RSRC1: variants seen among roughly 807,000 people sequenced by gnomAD.
The protein encoded by RSRC1 is serine/Arginine-related protein 53.
A neutral mutation model predicts 49.1 loss-of-function variants in RSRC1; 39 were observed. That is an observed-to-expected ratio of 0.79 (90% CI 0.61 to 1.04). RSRC1 has a LOEUF of 1.04. RSRC1 is among the 50% of genes least tolerant of loss of function. The pLI is 0.00. For missense variants in RSRC1, 388 were observed against 402.4 expected (o/e 0.96, Z 0.31); for synonymous variants, 143 against 130.8 (o/e 1.09, Z -0.63).
At chr3:158,312,637 T>A (rs971035307) in intron 5 of RSRC1, among the ~76,000 whole-genome samples, 2 of 152,182 alleles carry the variant, frequency 1.3e-5, no homozygotes, top group Non-Finnish European at 2.9e-5. Flanking sequence ...ATTAAAAGAA[T>A]AATCAGTAAG....
At chr3:158,300,214 C>T (rs1470115385) in intron 5 of RSRC1, among the ~76,000 whole-genome samples, 3 of 152,100 alleles carry the variant, frequency 2.0e-5, no homozygotes, top group African/African-American at 7.2e-5. Flanking sequence ...AGAGCCAGGA[C>T]TAGCATACAG....
chr3:158,285,579 T>G (rs9820370), intron 4 of RSRC1, among the ~76,000 whole-genome samples: 58,998 of 151,906 alleles, frequency 0.39, 12,314 homozygotes, highest in East Asian at 0.64. Context: ...GAGCAGTGGT[T>G]TGTAGTTCTC....
intron 6 of RSRC1, among the ~76,000 whole-genome samples, chr3:158,423,577 A>T (rs1223086588): frequency 3.3e-5 from 5 of 151,936 alleles, no homozygotes; most frequent in East Asian, 1.9e-4. Flanking sequence ...TTTGGTTCCA[A>T]ATGAACTTTA....
rs1016883824 is a variant in RSRC1, at chr3:158,283,673, G to C, written c.495-14366G>C. On this transcript the variant is annotated intron_variant, in intron 4 of 9. Transcript: ENST00000611884. ...AGTTTTTTGTATTAAATACAATGGA[G>C]TGATTAATATTTTGTGAATGTGTCA... 1.1e-4 allele frequency among the ~76,000 whole-genome samples: 17 copies of C among 152,208 alleles called. No homozygotes were observed. In the East Asian group the frequency reaches 3.1e-3, roughly 28 times the overall value.
chr3:158,238,974 A>C (rs1014508343), intron 4 of RSRC1, among the ~76,000 whole-genome samples: 1 of 152,230 alleles, frequency 6.6e-6, no homozygotes. Flanking sequence ...CTCGTCTGAC[A>C]AAAGGCTAAT....
At chr3:158,135,261 AT>A (rs1168033476) in intron 3 of RSRC1, among the ~76,000 whole-genome samples, 3 of 139,746 alleles carry the variant, frequency 2.1e-5, no homozygotes, top group Non-Finnish European at 3.0e-5. Flanking sequence ...TCATTTCCAA[AT>A]TATAGTGTAA....
intron 4 of RSRC1, among the ~76,000 whole-genome samples, chr3:158,280,728 C>T (rs998693195): frequency 2.7e-5 from 4 of 146,072 alleles, no homozygotes; most frequent in African/African-American, 1.0e-4. Context: ...CTCACTGCAA[C>T]CTCTGCCTCC....
chr3:158,241,739 C>A (rs1384279610), intron 4 of RSRC1, among the ~76,000 whole-genome samples: 1 of 151,962 alleles, frequency 6.6e-6, no homozygotes. Context: ...AGGTAAATCA[C>A]TGAAGATGGC....
At chr3:158,315,093 T>G (rs375862795) in intron 5 of RSRC1, among the ~76,000 whole-genome samples, 6 of 152,160 alleles carry the variant, frequency 3.9e-5, no homozygotes, top group Admixed American at 1.3e-4. Context: ...TGTGTCAAAA[T>G]GTTACTTAAT....
intron 3 of RSRC1, among the ~76,000 whole-genome samples, chr3:158,182,305 A>G (rs1719666533): frequency 6.6e-6 from 1 of 152,216 alleles, no homozygotes; most frequent in Admixed American, 6.5e-5. Flanking sequence ...ATCATTTATT[A>G]AATTCATAAT....
At chr3:158,227,385 G>A (rs1432105778) in intron 4 of RSRC1, among the ~76,000 whole-genome samples, 5 of 151,650 alleles carry the variant, frequency 3.3e-5, no homozygotes, top group Middle Eastern at 3.4e-3. Context: ...GCTTTCTACC[G>A]TTCCTTCCCT....
At chr3:158,526,739 C>T (rs369140668) in intron 7 of RSRC1, among the ~76,000 whole-genome samples, 82 of 151,946 alleles carry the variant, frequency 5.4e-4, no homozygotes, top group Non-Finnish European at 1.0e-3. Context: ...GCTTATGAGC[C>T]GAAACATAAT....
chr3:158,535,448 C>T (rs1342047326), intron 7 of RSRC1, among the ~76,000 whole-genome samples: 1 of 151,402 alleles, frequency 6.6e-6, no homozygotes, highest in South Asian at 2.1e-4. Context: ...CTCATATTAA[C>T]TGTTTCCTTC....
intron 4 of RSRC1, among the ~76,000 whole-genome samples, chr3:158,234,950 A>G (rs1486122264): frequency 6.6e-6 from 1 of 152,072 alleles, no homozygotes; most frequent in Non-Finnish European, 1.5e-5. Context: ...AATATAGCCA[A>G]TCACAGTTTC....
At chr3:158,189,311 A>T (rs1467036316) in intron 3 of RSRC1, among the ~76,000 whole-genome samples, 1 of 151,966 alleles carries the variant, frequency 6.6e-6, no homozygotes, top group Non-Finnish European at 1.5e-5. Context: ...GGTATAGTTA[A>T]TAGGTAAATT....
chr3:158,467,185 A>ATT (rs1356151092), intron 7 of RSRC1, among the ~76,000 whole-genome samples: 1 of 152,242 alleles, frequency 6.6e-6, no homozygotes, highest in Non-Finnish European at 1.5e-5. Flanking sequence ...AACTCAAAAA[A>ATT]TATTTCCTGA....
chr3:158,470,341 CACACACACACACACACACACATATAT>C (rs888181807), intron 7 of RSRC1, among the ~76,000 whole-genome samples: 32 of 117,346 alleles, frequency 2.7e-4, no homozygotes, highest in African/African-American at 1.0e-3. Context: ...CACACACACA[CACACACACACACACACACACATATAT>C]ATATATATAT....
intron 7 of RSRC1, among the ~76,000 whole-genome samples, chr3:158,522,114 C>T (rs1711709793): frequency 6.6e-6 from 1 of 151,934 alleles, no homozygotes; most frequent in Non-Finnish European, 1.5e-5. Context: ...TAAGCTGTCT[C>T]ACCAGAATAT....
intron 5 of RSRC1, among the ~76,000 whole-genome samples, chr3:158,334,867 G>A (rs6806720): frequency 0.21 from 32,064 of 151,978 alleles, 4,114 homozygotes; most frequent in African/African-American, 0.36. Flanking sequence ...ATAATGTGTA[G>A]CCATTACAAA....
Sources: allele counts gnomAD v4.1 joint callset (sites outside exome capture counted in the v4.1 genomes callset), GRCh38; gene constraint gnomAD v4.1.1; transcripts MANE v1.5; gene names NCBI Gene and HGNC (gene_info 2026-07-23, HGNC 2026-07-21).